CDH22: variants seen among roughly 807,000 people sequenced by gnomAD.
The protein encoded by CDH22 is cadherin 22.
In CDH22, 30 loss-of-function variants were observed where a neutral mutation model predicts 58.4. The ratio of observed to expected loss-of-function variants is 0.51; its 90% CI spans 0.38 to 0.70. CDH22 has a LOEUF of 0.70. Ranked by LOEUF, CDH22 falls within the 30% of genes least tolerant of loss-of-function variation. The pLI is 0.00. For synonymous variants in CDH22, 513 were observed against 558.2 expected, an observed-to-expected ratio of 0.92 and a Z score of 1.14; for missense variants, 1,014 against 1,233.9, an observed-to-expected ratio of 0.82 and a Z score of 2.67.
chr20:46,298,493 G>A (rs1328139639), intron 1 of CDH22, among the ~76,000 whole-genome samples: 1 of 152,226 alleles, frequency 6.6e-6, no homozygotes, highest in Admixed American at 6.5e-5. Flanking sequence ...GGAAAGAAAG[G>A]TGGTGATACA....
At chr20:46,191,630 G>C (rs74399429) in intron 8 of CDH22, among the ~76,000 whole-genome samples, 2 of 152,178 alleles carry the variant, frequency 1.3e-5, no homozygotes, top group African/African-American at 2.4e-5. Context: ...CTGTTTTACT[G>C]ATGAGGAAAC....
intron 1 of CDH22, among the ~76,000 whole-genome samples, chr20:46,293,452 A>G (rs2086614024): frequency 6.7e-6 from 1 of 149,840 alleles, no homozygotes; most frequent in South Asian, 2.1e-4. Context: ...TATGTTTTTC[A>G]TGTTTATGTT....
rs1040026432 is a variant in CDH22 at position 46,297,901 on chromosome 20, C to T, written c.-400+10354G>A. Among the ~76,000 whole-genome samples, 7 of 152,214 alleles carry T rather than the reference C, an allele frequency of 4.6e-5. No individual in the cohort carries two copies. In the South Asian group the frequency reaches 1.2e-3, roughly 27 times the overall value. ...CACAGGCTTGTCTCCTTGGCTTACA[C>T]AGCCCTGTGCCCCTGATGGTCCCCT... On this transcript the variant is annotated intron_variant, in intron 1 of 11. Coordinates refer to ENST00000537909, the MANE Select transcript of CDH22 (RefSeq NM_021248.3).
intron 1 of CDH22, among the ~76,000 whole-genome samples, chr20:46,264,318 C>G (rs1266370510): frequency 2.6e-5 from 4 of 152,170 alleles, no homozygotes; most frequent in African/African-American, 9.7e-5. Context: ...TGGCAGATCA[C>G]AGGCACAGGG....
chr20:46,273,181 G>A (rs576251884), intron 1 of CDH22, among the ~76,000 whole-genome samples: 6 of 152,220 alleles, frequency 3.9e-5, no homozygotes, highest in Admixed American at 1.3e-4. Context: ...CCCTTATGCC[G>A]TGAGATCATC....
At chr20:46,189,365 G>C (rs183989946) in intron 8 of CDH22, among the ~76,000 whole-genome samples, 1 of 152,304 alleles carries the variant, frequency 6.6e-6, no homozygotes, top group Non-Finnish European at 1.5e-5. Flanking sequence ...TTTGGGAAGA[G>C]GGGGGTGAGG....
chr20:46,240,942 C>G (rs377356243), intron 3 of CDH22, 21 bp downstream of exon 3: 464 of 1,599,598 alleles, frequency 2.9e-4, no homozygotes, highest in Non-Finnish European at 3.6e-4. Flanking sequence ...CCATCCCCCA[C>G]CCCCAGGGCC....
intron 10 of CDH22, among the ~76,000 whole-genome samples, chr20:46,181,577 T>TTTCCCTTCCTTCCCTTCCTTCCCTTCC (rs1239657808): frequency 2.0e-5 from 3 of 150,516 alleles, no homozygotes; most frequent in Non-Finnish European, 4.4e-5. Flanking sequence ...TTTGGGTCAT[T>TTTCCCTTCCTTCCCTTCCTTCCCTTCC]TTCCCTTCCT....
In CDH22 at chr20:46,216,820, A is replaced by ACT; in HGVS notation, c.838+4_838+5dup. The ACT allele has an allele frequency of 6.3e-7, 1 of 1,591,256 alleles. No homozygotes were observed. Among genetic ancestry groups the ACT allele is most frequent in the Non-Finnish European group, 8.6e-7 (1 of 1,161,126 alleles). On this transcript the variant is annotated splice_donor_region_variant and intron_variant, in intron 5 of 11. Coordinates refer to ENST00000537909, the MANE Select transcript of CDH22 (RefSeq NM_021248.3). The surrounding 1 kb of genome is among the most constrained non-coding windows in gnomAD (Gnocchi z 5.3). ...ACGCGCCTTCCTCTGGGAAGGCCTC[A>ACT]CTCACTCTGCGGGAAACGGGGCGGG...
intron 8 of CDH22, among the ~76,000 whole-genome samples, chr20:46,192,797 G>A (rs922505855): frequency 8.6e-5 from 13 of 152,032 alleles, no homozygotes; most frequent in African/African-American, 2.7e-4. Flanking sequence ...TTACAAGCCC[G>A]CCAAGACAAG....
At chr20:46,183,347 A>G (rs542163915) in intron 10 of CDH22, among the ~76,000 whole-genome samples, 1 of 152,292 alleles carries the variant, frequency 6.6e-6, no homozygotes, top group Admixed American at 6.5e-5. Context: ...GTCCTGCTCC[A>G]GGTTTTGGTC....
At chr20:46,212,136 AAAG>A (rs1380137281) in intron 6 of CDH22, among the ~76,000 whole-genome samples, 4 of 152,240 alleles carry the variant, frequency 2.6e-5, no homozygotes, top group Non-Finnish European at 5.9e-5. Context: ...TTGCTGAGCA[AAAG>A]AAGGACTGTT....
rs538939494 is a variant in CDH22 at position 46,229,086 on chromosome 20, A to T, written c.551-1459T>A. Reference sequence around the variant, plus strand: ...CATGTCAACCATGTCAGAGTTGACCAGAGAAGCTGAGGAAGAGGGATGGGC... The same window carrying T: ...CATGTCAACCATGTCAGAGTTGACCTGAGAAGCTGAGGAAGAGGGATGGGC... On this transcript the variant is annotated intron_variant, in intron 3 of 11. Coordinates refer to ENST00000537909, the MANE Select transcript of CDH22 (RefSeq NM_021248.3). Among the ~76,000 whole-genome samples the T allele has an allele frequency of 1.6e-4, 24 of 152,268 alleles. No individual in the cohort carries two copies. The East Asian group carries it at 3.9e-3, about 25-fold the overall frequency.
In CDH22 at chr20:46,227,741, A is replaced by T. The variant is rs545253281; in HGVS notation, c.551-114T>A. 8.5e-5 allele frequency: 123 copies of T among 1,440,574 alleles called. 5 individuals carry two copies. The South Asian group carries it at 1.6e-3, about 19-fold the overall frequency. 89.2% of individuals were successfully genotyped at this position (1,440,574 alleles called of 1,614,324 possible). On this transcript the variant is annotated intron_variant, in intron 3 of 11. Transcript: ENST00000537909. The stretch of plus-strand genomic sequence containing the variant: ...AGGAGACCCTCGGGAGACCTGCGGG[A>T]GGCCATCGAATACAGCCCCTCACGG...
At chr20:46,227,663 T>C (rs1232426678) in intron 3 of CDH22, 36 bp from the exon 4 acceptor site, 13 of 1,587,202 alleles carry the variant, frequency 8.2e-6, no homozygotes, top group East Asian at 2.3e-5. Flanking sequence ...AGGGGTCATC[T>C]GGGGCTGCGG....
intron 4 of CDH22, among the ~76,000 whole-genome samples, chr20:46,218,122 C>A (rs2086099128): frequency 6.6e-6 from 1 of 152,116 alleles, no homozygotes; most frequent in South Asian, 2.1e-4. Flanking sequence ...CAGGGTTTTG[C>A]CGTGTTGGCC....
intron 3 of CDH22, among the ~76,000 whole-genome samples, chr20:46,238,438 T>C (rs1357416602): frequency 6.6e-6 from 1 of 152,178 alleles, no homozygotes; most frequent in African/African-American, 2.4e-5. Context: ...CCATTGATAA[T>C]ATCCAAATTT....
At chr20:46,258,525 C>A (rs1394400333) in intron 1 of CDH22, among the ~76,000 whole-genome samples, 1 of 152,220 alleles carries the variant, frequency 6.6e-6, no homozygotes, top group Admixed American at 6.5e-5. Context: ...GCCTGGGACC[C>A]CTGTGGGCCC....
At chr20:46,295,883 C>T (rs557764198) in intron 1 of CDH22, among the ~76,000 whole-genome samples, 7 of 152,260 alleles carry the variant, frequency 4.6e-5, no homozygotes, top group Non-Finnish European at 1.0e-4. Context: ...CTATCTCAGC[C>T]TCTGAAGTAA....
Sources: gnomAD v4.1 joint callset for allele counts (sites outside exome capture counted in the v4.1 genomes callset) on GRCh38, gnomAD v4.1.1 for gene constraint, Gnocchi (gnomAD v3.1) non-coding constraint, MANE v1.5 for transcripts, NCBI Gene and HGNC (gene_info 2026-07-23, HGNC 2026-07-21) for gene names.